The following IMMP2L variants were observed in gnomAD, a reference collection of about 807,000 sequenced individuals.
IMMP2L encodes the protein mitochondrial inner membrane protease subunit 2.
IMMP2L carries 18 observed loss-of-function variants against 19.3 expected under a neutral mutation model. The ratio of observed to expected loss-of-function variants is 0.93; its 90% confidence interval spans 0.64 to 1.38. The LOEUF is 1.38. Ranked by LOEUF, IMMP2L falls within the 40% of genes most tolerant of loss-of-function variation. IMMP2L has a pLI of 0.00. For missense variants in IMMP2L, 233 were observed against 218.2 expected, an observed-to-expected ratio of 1.07 and a Z score of -0.43; for synonymous variants, 76 against 73.0, an observed-to-expected ratio of 1.04 and a Z score of -0.21.
In IMMP2L at chr7:111,561,978, C is replaced by A; in HGVS notation, c.-130G>T. 1 of 152,784 alleles carries A rather than the reference C, an allele frequency of 6.5e-6. No individual in the cohort carries two copies. 9.5% of individuals were successfully genotyped at this position (152,784 alleles called of 1,614,324 possible). ...TGCTTTAAAATCATGTTGTTCAAGC[C>A]TGACGCTCTCCCACCACCTGCCCAA... On this transcript the variant is annotated 5_prime_UTR_variant, in exon 1 of 6. It adds an upstream start codon to the 5' untranslated region. Transcript: ENST00000405709.
chr7:111,458,497 C>A (rs1446256695), intron 3 of IMMP2L, among the ~76,000 whole-genome samples: 1 of 152,024 alleles, frequency 6.6e-6, no homozygotes, highest in Non-Finnish European at 1.5e-5. Context: ...GGAAAACTAC[C>A]CTAAATTACC....
chr7:111,343,882 C>A (rs1197709316), intron 3 of IMMP2L, among the ~76,000 whole-genome samples: 3 of 152,050 alleles, frequency 2.0e-5, no homozygotes, highest in African/African-American at 7.2e-5. Context: ...TTTTGTGGTA[C>A]AACCATCATT....
intron 3 of IMMP2L, among the ~76,000 whole-genome samples, chr7:111,461,703 T>C (rs188957882): frequency 2.5e-3 from 388 of 152,252 alleles, no homozygotes; most frequent in Admixed American, 5.6e-3. Context: ...TTGCTCATCA[T>C]GCAAACTTGA....
intron 3 of IMMP2L, among the ~76,000 whole-genome samples, chr7:111,447,496 C>A (rs1024354495): frequency 6.8e-6 from 1 of 146,574 alleles, no homozygotes; most frequent in African/African-American, 2.6e-5. Context: ...ACTTTACAGA[C>A]AAGCAAATGC....
At chr7:111,166,919 T>G (rs1264614933) in intron 3 of IMMP2L, among the ~76,000 whole-genome samples, 3 of 151,972 alleles carry the variant, frequency 2.0e-5, no homozygotes, top group African/African-American at 7.2e-5. Flanking sequence ...CAGGATAATC[T>G]CATCTTGAGG....
At chr7:111,287,414 C>G (rs764420640) in intron 3 of IMMP2L, among the ~76,000 whole-genome samples, 3 of 152,062 alleles carry the variant, frequency 2.0e-5, no homozygotes, top group Non-Finnish European at 4.4e-5. Flanking sequence ...CGTAAAGCCA[C>G]CATAAAGGCT....
intron 3 of IMMP2L, among the ~76,000 whole-genome samples, chr7:111,343,056 A>G (rs1302740683): frequency 6.6e-6 from 1 of 152,212 alleles, no homozygotes. Flanking sequence ...AACCTAACCA[A>G]GCTGAAAATC....
At position 111,360,790 on chromosome 7, in the gene IMMP2L, C is replaced by T. The variant is rs550519953; in HGVS notation, c.239+126448G>A. On this transcript the variant is annotated intron_variant, in intron 3 of 5. Coordinates refer to ENST00000405709, the MANE Select transcript of IMMP2L (RefSeq NM_032549.4). ...CTATGATTATGCTGCTGCACTATAG[C>T]CTGGGCGACAGAGCGATACCTTGTT... Among the ~76,000 whole-genome samples, 3 of 152,184 alleles carry T rather than the reference C, an allele frequency of 2.0e-5. No individual in the cohort carries two copies. The South Asian group carries it at 6.2e-4, about 32-fold the overall frequency.
At chr7:110,781,767 T>C (rs958690554) in intron 5 of IMMP2L, among the ~76,000 whole-genome samples, 2 of 151,830 alleles carry the variant, frequency 1.3e-5, no homozygotes, top group African/African-American at 2.4e-5. Flanking sequence ...AATAAAACTT[T>C]AAGGAGATAA....
chr7:110,795,632 G>T (rs946866870), intron 5 of IMMP2L, among the ~76,000 whole-genome samples: 12 of 152,004 alleles, frequency 7.9e-5, no homozygotes, highest in Admixed American at 1.3e-4. Context: ...AAGAGAAGAT[G>T]GCACTGGATG....
chr7:111,191,121 C>A (rs963621559), intron 3 of IMMP2L, among the ~76,000 whole-genome samples: 1 of 152,072 alleles, frequency 6.6e-6, no homozygotes, highest in Admixed American at 6.6e-5. Flanking sequence ...CCAAGGCCAG[C>A]CTGGCTTACA....
intron 5 of IMMP2L, among the ~76,000 whole-genome samples, chr7:110,741,644 T>G (rs1796995893): frequency 6.6e-6 from 1 of 152,212 alleles, no homozygotes; most frequent in South Asian, 2.1e-4. Flanking sequence ...GTTTATGAAT[T>G]ACCTAGTATA....
chr7:110,795,050 T>G (rs1378477243), intron 5 of IMMP2L, among the ~76,000 whole-genome samples: 1 of 152,114 alleles, frequency 6.6e-6, no homozygotes, highest in Admixed American at 6.6e-5. Context: ...CAGTGAAGAC[T>G]CTGGGCAGTC....
At chr7:110,992,995 T>C (rs1822650041) in intron 3 of IMMP2L, among the ~76,000 whole-genome samples, 1 of 152,164 alleles carries the variant, frequency 6.6e-6, no homozygotes, top group Non-Finnish European at 1.5e-5. Flanking sequence ...GATAATAACC[T>C]ACTTAAACTT....
chr7:110,765,496 A>AT (rs1312633192), intron 5 of IMMP2L, among the ~76,000 whole-genome samples: 2 of 151,492 alleles, frequency 1.3e-5, no homozygotes, highest in Non-Finnish European at 2.9e-5. Context: ...TGTTTTCAAA[A>AT]TTTTTTTTTC....
At chr7:111,380,574 A>G (rs1398194087) in intron 3 of IMMP2L, among the ~76,000 whole-genome samples, 1 of 152,068 alleles carries the variant, frequency 6.6e-6, no homozygotes, top group Admixed American at 6.6e-5. Context: ...ATTTTTACTA[A>G]CAGCTATTCC....
intron 1 of IMMP2L, among the ~76,000 whole-genome samples, chr7:111,534,947 G>C (rs552968153): frequency 2.6e-5 from 4 of 152,246 alleles, no homozygotes; most frequent in Middle Eastern, 3.4e-3. Flanking sequence ...GTCTGTATTA[G>C]AAGTAGATGA....
At chr7:111,262,656 G>C (rs1817438919) in intron 3 of IMMP2L, among the ~76,000 whole-genome samples, 1 of 152,088 alleles carries the variant, frequency 6.6e-6, no homozygotes, top group Non-Finnish European at 1.5e-5. Context: ...AGATTTATGA[G>C]GTATATCTCC....
intron 3 of IMMP2L, among the ~76,000 whole-genome samples, chr7:111,073,913 A>G (rs1051972574): frequency 3.9e-5 from 6 of 152,162 alleles, no homozygotes; most frequent in African/African-American, 1.4e-4. Flanking sequence ...ATTGTTGCAT[A>G]TAAGTATGCA....
Sources: allele counts gnomAD v4.1 joint callset (sites outside exome capture counted in the v4.1 genomes callset), GRCh38; gene constraint gnomAD v4.1.1; transcripts MANE v1.5; gene names NCBI Gene and HGNC (gene_info 2026-07-23, HGNC 2026-07-21).